Variants in PDGFRB observed in about 807,000 individuals in gnomAD.
PDGFRB encodes the protein platelet-derived growth factor receptor beta.
Under a neutral mutation model 120.2 loss-of-function variants are expected in PDGFRB, and 42 were observed. That is an observed-to-expected ratio of 0.35 (90% CI 0.27 to 0.45). The LOEUF (loss-of-function observed/expected upper bound fraction) is 0.45, where lower values mean the gene tolerates loss of function less well. Ranked by LOEUF, PDGFRB falls within the 20% of genes least tolerant of loss-of-function variation. The pLI, the probability that PDGFRB is intolerant of heterozygous loss-of-function variation, is 1.00. For synonymous variants in PDGFRB, 586 were observed against 606.8 expected (o/e 0.97, Z 0.50); for missense variants, 1,149 against 1,476.3 (o/e 0.78, Z 3.63).
intron 22 of PDGFRB, among the ~76,000 whole-genome samples, chr5:150,116,627 T>C (rs1017545124): frequency 4.0e-5 from 6 of 149,590 alleles, no homozygotes; most frequent in African/African-American, 1.5e-4. Context: ...AATAAATAAA[T>C]GAATAAAAAT....
intron 6 of PDGFRB, 52 bp downstream of exon 6, chr5:150,133,534 G>A: frequency 1.4e-6 from 2 of 1,467,522 alleles, no homozygotes; most frequent in Non-Finnish European, 1.9e-6. Context: ...AAGTGGGTGA[G>A]GGTGGGGAGC....
At position 150,126,516 on chromosome 5, in the gene PDGFRB, T is replaced by C. The variant is rs765862554; in HGVS notation, c.1674+4A>G. 5.2e-6 allele frequency: 8 copies of C among 1,544,138 alleles called. No individual in the cohort carries two copies. The East Asian group carries it at 1.1e-4, about 22-fold the overall frequency. On this transcript the variant is annotated splice_donor_region_variant and intron_variant, in intron 11 of 22. Coordinates refer to ENST00000261799, the MANE Select transcript of PDGFRB (RefSeq NM_002609.4). ...TTCACCCACTGGGCCAGGGAGGGGC[T>C]TACCTTCTGCCAAAGCATGATGAGG... is the stretch of plus-strand genomic sequence containing the variant.
intron 20 of PDGFRB, 152 bp from the exon 21 acceptor site, chr5:150,119,004 T>G: frequency 1.6e-6 from 1 of 607,880 alleles, no homozygotes; most frequent in African/African-American, 1.9e-5. Flanking sequence ...AGAGGTCCTG[T>G]CTCTGGATAT....
Position 150,123,061 on chromosome 5 carries a change from C to A in PDGFRB, c.2164G>T (p.Val722Phe), listed in dbSNP as rs142689325. ...TGGTACCTGGGCAGGGGGAGCCCAA[C>A]GGGCAGAGCATTGCTGTAGAGCTCC... ...SAELYSNALP[V>F]GLPLPSHVSL... The change falls in exon 15 of 23, where the codon GTT becomes TTT. Residue 722 changes from valine (V) to phenylalanine (F), a missense_variant. Physicochemically the swap from Val to Phe is conservative, Grantham distance 50. Coordinates refer to ENST00000261799, the MANE Select transcript of PDGFRB (RefSeq NM_002609.4). 3.1e-4 allele frequency: 499 copies of A among 1,613,178 alleles called. 5 individuals carry two copies. Among genetic ancestry groups the A allele is most frequent in the Non-Finnish European group, 5.3e-5 (62 of 1,179,896 alleles).
At position 150,120,865 on chromosome 5, in the gene PDGFRB, C is replaced by G; in HGVS notation, c.2586+23G>C. On this transcript the variant is annotated intron_variant, in intron 18 of 22. Transcript: ENST00000261799. This position sits in a 1 kb window ranked among gnomAD's most constrained non-coding sequence, Gnocchi z 4.3. ...GGTCACAGGCACTGTGACTGCCCTG[C>G]AGGGGCCAGGGAAGGTACTCACGCT... The G allele has an allele frequency of 6.2e-7, 1 of 1,610,466 alleles. No homozygotes were observed. The highest frequency in any genetic ancestry group is 1.7e-4 in the Middle Eastern group (1 of 6,052).
chr5:150,117,858 C>T lies in PDGFRB; in HGVS notation c.2905-8G>A, dbSNP rs201866603. ...ATCCACCTGCTGGTACTTCTGCTCCCGGGGCAGGGAGAACCAAAGAAACAG... is the reference window on the plus strand; with the variant it reads ...ATCCACCTGCTGGTACTTCTGCTCCTGGGGCAGGGAGAACCAAAGAAACAG... On this transcript the variant is annotated splice_region_variant and splice_polypyrimidine_tract_variant and intron_variant, in intron 21 of 22. Transcript: ENST00000261799. 2 of 1,555,556 alleles carry T rather than the reference C, an allele frequency of 1.3e-6. No individual in the cohort carries two copies. Among genetic ancestry groups the T allele is most frequent in the Non-Finnish European group, 1.8e-6 (2 of 1,131,676 alleles).
At chr5:150,125,303 G>T in intron 12 of PDGFRB, 142 bp downstream of exon 12, 1 of 640,448 alleles carries the variant, frequency 1.6e-6, no homozygotes, top group Non-Finnish European at 2.7e-6. Context: ...ATTGTACATA[G>T]TAGGAGATGG....
At chr5:150,145,571 C>T (rs1760898284) in intron 1 of PDGFRB, among the ~76,000 whole-genome samples, 1 of 152,168 alleles carries the variant, frequency 6.6e-6, no homozygotes, top group Non-Finnish European at 1.5e-5. Flanking sequence ...ACATTGTTTG[C>T]CCAAAAGCTT....
At chr5:150,116,880 A>C (rs891712549) in intron 22 of PDGFRB, among the ~76,000 whole-genome samples, 20 of 152,292 alleles carry the variant, frequency 1.3e-4, no homozygotes, top group Admixed American at 3.3e-4. Flanking sequence ...CTCGCAGAGG[A>C]GAAGCCTTCC....
intron 22 of PDGFRB, 85 bp downstream of exon 22, chr5:150,117,533 C>CGCGCGCGA (rs1759982066): frequency 3.1e-6 from 2 of 636,864 alleles, no homozygotes; most frequent in African/African-American, 6.2e-5. Flanking sequence ...TGGCAGCGCG[C>CGCGCGCGA]GCGCGCGCGC....
At position 150,155,586 on chromosome 5, in the gene PDGFRB, A is replaced by C. The variant is rs1761208778; in HGVS notation, c.-196T>G. ...AAGGCTCAGGAGAACAGAGGGATGG[A>C]GGAAGGGGGCTGCTGTAGGGGAGAG... On this transcript the variant is annotated 5_prime_UTR_variant, in exon 1 of 23. Coordinates refer to ENST00000261799, the MANE Select transcript of PDGFRB (RefSeq NM_002609.4). The C allele has an allele frequency of 2.5e-6, 1 of 398,690 alleles. No homozygotes were observed. Among genetic ancestry groups the C allele is most frequent in the African/African-American group, 2.1e-5 (1 of 48,602 alleles). The allele number at this position is 398,690 out of a possible 1,614,324, so 24.7% of individuals were successfully genotyped here.
At chr5:150,143,661 G>A (rs1760840851) in intron 1 of PDGFRB, among the ~76,000 whole-genome samples, 2 of 152,154 alleles carry the variant, frequency 1.3e-5, no homozygotes, top group East Asian at 1.9e-4. Flanking sequence ...AGGCTGAGAT[G>A]TGGGTGTGAT....
Position 150,114,293 on chromosome 5 carries a change from C to T in PDGFRB, c.*1470G>A, listed in dbSNP as rs1759851948. On this transcript the variant is annotated 3_prime_UTR_variant, in exon 23 of 23. Transcript: ENST00000261799. ...GGCAGCTGGTGGGTGAGGGGCAAAC[C>T]TCCAAAGCGCCCACCTCTCACATCC... is the stretch of plus-strand genomic sequence containing the variant. 1 of 233,168 alleles carries T rather than the reference C, an allele frequency of 4.3e-6. No individual in the cohort carries two copies. The highest frequency in any genetic ancestry group is 8.5e-6 in the Non-Finnish European group (1 of 118,036). 14.4% of individuals were successfully genotyped at this position (233,168 alleles called of 1,614,324 possible). A position where few individuals can be genotyped will look rare whatever the true frequency, so the allele number is the denominator to read the frequency against.
At chr5:150,151,174 G>C (rs899387483) in intron 1 of PDGFRB, among the ~76,000 whole-genome samples, 18 of 152,326 alleles carry the variant, frequency 1.2e-4, no homozygotes, top group Admixed American at 9.8e-4. Context: ...CATGATCCCT[G>C]AGTACACAGC....
chr5:150,136,138 C>T (rs747609854), intron 2 of PDGFRB, among the ~76,000 whole-genome samples: 46 of 152,330 alleles, frequency 3.0e-4, no homozygotes, highest in Non-Finnish European at 5.1e-4. Context: ...CATGTGTAGG[C>T]AGTAGGCACC....
chr5:150,135,229 G>A (rs1413430736), intron 3 of PDGFRB, among the ~76,000 whole-genome samples: 1 of 152,192 alleles, frequency 6.6e-6, no homozygotes, highest in African/African-American at 2.4e-5. Context: ...AAGAAGGCAA[G>A]TCACAAGTTG....
intron 1 of PDGFRB, among the ~76,000 whole-genome samples, chr5:150,147,947 G>A (rs999800867): frequency 1.3e-5 from 2 of 152,174 alleles, no homozygotes; most frequent in Non-Finnish European, 2.9e-5. Context: ...GGCCTTGCGC[G>A]CACAGCCAAG....
intron 8 of PDGFRB, 94 bp from the exon 9 acceptor site, chr5:150,130,756 G>A (rs911589740): frequency 3.8e-6 from 4 of 1,055,952 alleles, no homozygotes; most frequent in South Asian, 1.4e-5. Flanking sequence ...AGACTCTCTT[G>A]GGGGAGGAGG....
intron 22 of PDGFRB, among the ~76,000 whole-genome samples, chr5:150,117,402 TGTTTTTACTA>T (rs751776973): frequency 6.6e-6 from 1 of 152,328 alleles, no homozygotes; most frequent in Non-Finnish European, 1.5e-5. Context: ...CCCATACTTT[TGTTTTTACTA>T]GCCTGCCCTT....
Sources: gnomAD v4.1 joint callset for allele counts (sites outside exome capture counted in the v4.1 genomes callset) on GRCh38, gnomAD v4.1.1 for gene constraint, Gnocchi (gnomAD v3.1) non-coding constraint, MANE v1.5 for transcripts, NCBI Gene and HGNC (gene_info 2026-07-23, HGNC 2026-07-21) for gene names.